The following CCT3 variants were observed in gnomAD, a reference collection of about 807,000 sequenced individuals.
CCT3 encodes T-complex protein 1 subunit gamma.
CCT3 carries 10 observed loss-of-function variants against 65.3 expected under a neutral mutation model. That is an observed-to-expected ratio of 0.15 (90% confidence interval 0.09 to 0.26). The LOEUF is 0.26. Among genes scored for constraint, CCT3 ranks in the 10% least tolerant of loss-of-function variants. CCT3 has a pLI of 1.00. For synonymous variants in CCT3, 225 were observed against 242.3 expected (o/e 0.93, Z 0.66); for missense variants, 626 against 708.7 (o/e 0.88, Z 1.33).
rs773353947 is a variant in CCT3, at chr1:156,320,958, C to T, written c.490G>A (p.Ala164Thr). The change falls in exon 7 of 14, where the codon GCC becomes ACC. Residue 164 changes from alanine (A) to threonine (T), a missense_variant. Transcript: ENST00000295688. ...NIINSSITTK[A>T]ISRWSSLACN... ...GCCAAAGATGACCACCGACTGATGG[C>T]TTTGGTAGTAATAGAGCTGTTGATG... 6.2e-7 allele frequency: 1 copy of T among 1,614,076 alleles called. No individual in the cohort carries two copies. Among genetic ancestry groups the T allele is most frequent in the South Asian group, 1.1e-5 (1 of 91,066 alleles).
chr1:156,327,283 CTCTCCCTCTCCACGG>C (rs1028286893), intron 5 of CCT3, among the ~76,000 whole-genome samples: 8 of 152,186 alleles, frequency 5.3e-5, no homozygotes, highest in South Asian at 2.1e-4. Flanking sequence ...CCCCTCTCCC[CTCTCCCTCTCCACGG>C]TCTCCCTCTC....
rs1276110807 is a variant in CCT3 at position 156,312,079 on chromosome 1, T to C, written c.1117A>G (p.Thr373Ala). 6.2e-7 allele frequency: 1 copy of C among 1,613,528 alleles called. No homozygotes were observed. Among genetic ancestry groups the C allele is most frequent in the African/African-American group, 1.3e-5 (1 of 74,818 alleles). Reference sequence around the variant, plus strand: ...TTGCTAGCCCCCCGGAGGAGAATGGTGCAGGCCTTGGGGTCTTTGCAGTCA... The same window carrying C: ...TTGCTAGCCCCCCGGAGGAGAATGGCGCAGGCCTTGGGGTCTTTGCAGTCA... ...ITDCKDPKACTILLRGASKEI... is the reference protein window; with the variant it reads ...ITDCKDPKACAILLRGASKEI... The change falls in exon 11 of 14, where the codon ACC (threonine) becomes GCC (alanine). Residue 373 changes from threonine to alanine, a missense_variant. Coordinates refer to ENST00000295688, the MANE Select transcript of CCT3 (RefSeq NM_005998.5).
intron 5 of CCT3, among the ~76,000 whole-genome samples, chr1:156,329,128 CTG>C (rs1664992940): frequency 6.6e-6 from 1 of 152,056 alleles, no homozygotes; most frequent in Non-Finnish European, 1.5e-5. Context: ...TGTATTATAA[CTG>C]TATTCAGTAC....
chr1:156,321,704 T>A (rs956907674), intron 6 of CCT3, among the ~76,000 whole-genome samples: 6 of 152,042 alleles, frequency 3.9e-5, no homozygotes, highest in Admixed American at 6.6e-5. Context: ...TGAAACCCCA[T>A]CTCTATTAAA....
chr1:156,328,124 G>A (rs1371400448), intron 5 of CCT3, among the ~76,000 whole-genome samples: 8 of 139,176 alleles, frequency 5.7e-5, no homozygotes, highest in East Asian at 4.7e-4. Context: ...GGTGAGGGGC[G>A]CCTCTGCCTG....
At chr1:156,315,687 T>C (rs1558265584) in intron 10 of CCT3, among the ~76,000 whole-genome samples, 2 of 152,202 alleles carry the variant, frequency 1.3e-5, no homozygotes, top group South Asian at 4.1e-4. Context: ...TTCAACTCCT[T>C]GGGGACTGAT....
chr1:156,325,863 G>A (rs1421371142), intron 5 of CCT3, among the ~76,000 whole-genome samples: 1 of 151,982 alleles, frequency 6.6e-6, no homozygotes, highest in Non-Finnish European at 1.5e-5. Flanking sequence ...GATTACAGGC[G>A]TAAGCTACCA....
At chr1:156,325,233 C>A (rs959974262) in intron 5 of CCT3, 144 bp from the exon 6 acceptor site, 1 of 653,154 alleles carries the variant, frequency 1.5e-6, no homozygotes, top group Middle Eastern at 2.6e-4. Context: ...ATTCCAAATT[C>A]TACACATTGT....
In CCT3 at chr1:156,310,442, C is replaced by T. The variant is rs1336041476; in HGVS notation, c.1533+116G>A. ...CCGGGAGGCGGAGATTGCAGTGAGCCGAGATCACACCACTGCACTCCAGCC... is the reference window on the plus strand; with the variant it reads ...CCGGGAGGCGGAGATTGCAGTGAGCTGAGATCACACCACTGCACTCCAGCC... On this transcript the variant is annotated intron_variant, in intron 13 of 13. Coordinates refer to ENST00000295688, the MANE Select transcript of CCT3 (RefSeq NM_005998.5). The T allele has an allele frequency of 1.0e-5, 7 of 675,684 alleles. No individual in the cohort carries two copies. In the South Asian group the frequency reaches 1.6e-4, roughly 16 times the overall value. The allele number at this position is 675,684 out of a possible 1,614,324, so 41.9% of individuals were successfully genotyped here.
chr1:156,326,673 GAAAA>G (rs72320343), intron 5 of CCT3, among the ~76,000 whole-genome samples: 5 of 138,358 alleles, frequency 3.6e-5, no homozygotes, highest in Non-Finnish European at 7.7e-5. Context: ...AAAAGAAAAA[GAAAA>G]AAAAAAGAAA....
At position 156,324,912 on chromosome 1, in the gene CCT3, C is replaced by T. The variant is rs1224712591; in HGVS notation, c.422+60G>A. ...AAAGTGCTGGGATGACAGCCATGAGCCACCACGTCTAGCCAGGCCTCTCAT... is the reference window on the plus strand; with the variant it reads ...AAAGTGCTGGGATGACAGCCATGAGTCACCACGTCTAGCCAGGCCTCTCAT... On this transcript the variant is annotated intron_variant, in intron 6 of 13. Transcript: ENST00000295688. The T allele has an allele frequency of 1.1e-5, 13 of 1,138,154 alleles. No homozygotes were observed. In the East Asian group the frequency reaches 3.1e-4, roughly 27 times the overall value. The allele number at this position is 1,138,154 out of a possible 1,614,324, so 70.5% of individuals were successfully genotyped here. A position where few individuals can be genotyped will look rare whatever the true frequency, so the allele number is the denominator to read the frequency against.
rs956484091 is a variant in CCT3 at position 156,312,285 on chromosome 1, C to T, written c.975-64G>A. 2.7e-6 allele frequency: 4 copies of T among 1,474,588 alleles called. No individual in the cohort carries two copies. The African/African-American group carries it at 5.6e-5, about 21-fold the overall frequency. The allele number at this position is 1,474,588 out of a possible 1,614,324, so 91.3% of individuals were successfully genotyped here. A position where few individuals can be genotyped will look rare whatever the true frequency, so the allele number is the denominator to read the frequency against. On this transcript the variant is annotated intron_variant, in intron 10 of 13. Transcript: ENST00000295688. The stretch of plus-strand genomic sequence containing the variant: ...AGATACTTGTACCCATTTCCCTAGT[C>T]TCTAGGGTCTGTAGCTAGGGATAAG...
intron 6 of CCT3, among the ~76,000 whole-genome samples, chr1:156,322,263 G>A (rs577757647): frequency 1.4e-4 from 22 of 152,022 alleles, no homozygotes; most frequent in Non-Finnish European, 3.1e-4. Context: ...TTGGGAGGCC[G>A]AGGTGGTAGG....
At chr1:156,322,372 C>CT (rs1664591995) in intron 6 of CCT3, among the ~76,000 whole-genome samples, 1 of 151,924 alleles carries the variant, frequency 6.6e-6, no homozygotes, top group Non-Finnish European at 1.5e-5. Context: ...TGGTATGCGC[C>CT]TGTAGTCCCA....
chr1:156,323,454 T>A (rs950902343), intron 6 of CCT3, among the ~76,000 whole-genome samples: 1 of 151,864 alleles, frequency 6.6e-6, no homozygotes, highest in Non-Finnish European at 1.5e-5. Flanking sequence ...GGAAAAAATA[T>A]ACATTTTTAT....
chr1:156,329,261 G>A (rs1664999590), intron 5 of CCT3, among the ~76,000 whole-genome samples: 1 of 151,328 alleles, frequency 6.6e-6, no homozygotes. Context: ...GCATAGTAAT[G>A]AGACTGCCTA....
Position 156,318,941 on chromosome 1 carries a change from A to G in CCT3, c.686T>C (p.Met229Thr). The G allele has an allele frequency of 6.2e-7, 1 of 1,614,164 alleles. No individual in the cohort carries two copies. The highest frequency in any genetic ancestry group is 2.2e-5 in the East Asian group (1 of 44,884). The stretch of plus-strand genomic sequence containing the variant: ...GCGAGGGTTCTTGATATAGCGCCGC[A>G]TACGTGGATGGGTCACATCCTTGTT... ...MINKDVTHPRMRRYIKNPRIV... is the reference protein window; with the variant it reads ...MINKDVTHPRTRRYIKNPRIV... The change falls in exon 8 of 14, where the codon ATG becomes ACG. Residue 229 changes from methionine (M) to threonine (T), a missense_variant. Transcript: ENST00000295688.
At chr1:156,312,743 C>G (rs1664137072) in intron 10 of CCT3, among the ~76,000 whole-genome samples, 2 of 152,074 alleles carry the variant, frequency 1.3e-5, no homozygotes, top group African/African-American at 2.4e-5. Flanking sequence ...TGCAGCTATG[C>G]CAGCAGCTGT....
chr1:156,334,382 C>T (rs111591667), intron 4 of CCT3, among the ~76,000 whole-genome samples: 3 of 152,200 alleles, frequency 2.0e-5, no homozygotes, highest in South Asian at 2.1e-4. Context: ...GACCAATCAC[C>T]GGTGTCCTTG....
Sources: allele counts gnomAD v4.1 joint callset (sites outside exome capture counted in the v4.1 genomes callset), GRCh38; gene constraint gnomAD v4.1.1; transcripts MANE v1.5; gene names NCBI Gene and HGNC (gene_info 2026-07-23, HGNC 2026-07-21).